The following DCBLD1 variants were observed in gnomAD, a reference collection of about 807,000 sequenced individuals.
DCBLD1 encodes the protein discoidin, CUB and LCCL domain-containing protein 1.
A neutral mutation model predicts 71.5 loss-of-function variants in DCBLD1; 57 were observed. The observed-to-expected ratio is 0.80, with a 90% confidence interval of 0.64 to 0.99. The LOEUF is 0.99. DCBLD1 is among the 50% of genes least tolerant of loss of function. The pLI, the probability that DCBLD1 is intolerant of heterozygous loss-of-function variation, is 0.00. For synonymous variants in DCBLD1, 380 were observed against 363.8 expected (o/e 1.04, Z -0.51); for missense variants, 891 against 923.5 (o/e 0.96, Z 0.46).
chr6:117,520,430 G>C (rs1460086205), intron 3 of DCBLD1, among the ~76,000 whole-genome samples: 1 of 152,108 alleles, frequency 6.6e-6, no homozygotes, highest in African/African-American at 2.4e-5. Flanking sequence ...ACACTTTTGT[G>C]TTCCCCTCCT....
chr6:117,521,405 A>T, intron 3 of DCBLD1, 120 bp from the exon 4 acceptor site: 1 of 782,982 alleles, frequency 1.3e-6, no homozygotes, highest in Non-Finnish European at 1.9e-6. Context: ...GAAAATTCTG[A>T]TAACTACATA....
rs149732152 is a variant in DCBLD1, at chr6:117,530,843, A to G, written c.586-1417A>G. 4.2e-3 allele frequency among the ~76,000 whole-genome samples: 633 copies of G among 152,332 alleles called. 5 individuals are homozygous for G. Among genetic ancestry groups the G allele is most frequent in the African/African-American group, 0.015 (619 of 41,566 alleles). ...AAAATTCAGGAAAGATGAAAAAGCA[A>G]CCTGCATTCTTATTAAAGAGTACGA... On this transcript the variant is annotated intron_variant, in intron 5 of 14. Coordinates refer to ENST00000338728, the MANE Select transcript of DCBLD1 (RefSeq NM_001366458.2).
chr6:117,522,634 G>T (rs1295977984), intron 4 of DCBLD1, among the ~76,000 whole-genome samples: 1 of 152,044 alleles, frequency 6.6e-6, no homozygotes, highest in Non-Finnish European at 1.5e-5. Context: ...AGAAATGGGT[G>T]TCTTTCTATA....
At chr6:117,510,088 A>G (rs1777966354) in intron 2 of DCBLD1, among the ~76,000 whole-genome samples, 1 of 152,016 alleles carries the variant, frequency 6.6e-6, no homozygotes, top group Non-Finnish European at 1.5e-5. Flanking sequence ...TTCTTTCCTT[A>G]GTTCAAAAAT....
chr6:117,525,483 C>A, intron 5 of DCBLD1, 49 bp downstream of exon 5: 1 of 1,318,142 alleles, frequency 7.6e-7, no homozygotes, highest in Non-Finnish European at 1.0e-6. Context: ...GGAGTAAGTG[C>A]TTTACTCTGC....
At chr6:117,497,801 T>TA in intron 1 of DCBLD1, among the ~76,000 whole-genome samples, 1 of 152,364 alleles carries the variant, frequency 6.6e-6, no homozygotes, top group South Asian at 2.1e-4. Context: ...CCTTTAGTGT[T>TA]ACAAAGAATG....
At position 117,549,644 on chromosome 6, in the gene DCBLD1, A is replaced by G. The variant is rs1347735024; in HGVS notation, c.*1205A>G. On this transcript the variant is annotated 3_prime_UTR_variant, in exon 15 of 15. Transcript: ENST00000338728. ...TTATAACCCTATTTGTGTGGTTATT[A>G]CATCCTGTGAAATGTATATATGTTA... The G allele has an allele frequency of 1.4e-5, 14 of 985,274 alleles. No individual in the cohort carries two copies. Among genetic ancestry groups the G allele is most frequent in the Non-Finnish European group, 1.7e-5 (14 of 829,936 alleles). 61.0% of individuals were successfully genotyped at this position (985,274 alleles called of 1,614,324 possible).
chr6:117,549,807 A>C, downstream of DCBLD1: 1 of 985,326 alleles, frequency 1.0e-6, no homozygotes, highest in Non-Finnish European at 1.2e-6. Flanking sequence ...ACTGCCCCTG[A>C]CTCTCACTAG....
intron 1 of DCBLD1, among the ~76,000 whole-genome samples, chr6:117,483,334 G>T (rs1375995459): frequency 6.6e-6 from 1 of 152,206 alleles, no homozygotes; most frequent in Non-Finnish European, 1.5e-5. Flanking sequence ...CCGGCGCTGG[G>T]CCCTGCCCTC....
intron 5 of DCBLD1, among the ~76,000 whole-genome samples, chr6:117,526,278 T>A (rs1341508066): frequency 6.6e-6 from 1 of 152,332 alleles, no homozygotes; most frequent in Non-Finnish European, 1.5e-5. Flanking sequence ...CCTTTTCTGT[T>A]TTTTTATTTA....
chr6:117,525,082 T>G (rs2114503138), intron 4 of DCBLD1, among the ~76,000 whole-genome samples: 2 of 152,230 alleles, frequency 1.3e-5, no homozygotes, highest in Non-Finnish European at 2.9e-5. Context: ...TGAAAAATAT[T>G]TATTGGAAGT....
chr6:117,535,531 G>C (rs1003046609), intron 6 of DCBLD1, among the ~76,000 whole-genome samples: 2 of 152,122 alleles, frequency 1.3e-5, no homozygotes, highest in Non-Finnish European at 2.9e-5. Flanking sequence ...TCGTTCAATG[G>C]AATGAAATGG....
rs183130138 is a variant in DCBLD1, at chr6:117,539,425, C to T, written c.1101+46C>T. 172 of 1,541,786 alleles carry T rather than the reference C, an allele frequency of 1.1e-4. No homozygotes were observed. The African/African-American group carries it at 2.2e-3, about 20-fold the overall frequency. On this transcript the variant is annotated intron_variant, in intron 9 of 14. Transcript: ENST00000338728. ...CAAGAGAACTGAGTAGGAGAACAGG[C>T]CTCTATATATTTTCATCAATGTGTT...
chr6:117,498,217 T>C (rs537138495), intron 1 of DCBLD1, among the ~76,000 whole-genome samples: 6 of 152,350 alleles, frequency 3.9e-5, no homozygotes, highest in African/African-American at 1.4e-4. Flanking sequence ...AGTTTTGTTC[T>C]TGTAAATTGT....
intron 2 of DCBLD1, among the ~76,000 whole-genome samples, chr6:117,517,014 C>G (rs1263304743): frequency 1.3e-5 from 2 of 152,204 alleles, no homozygotes; most frequent in Non-Finnish European, 2.9e-5. Flanking sequence ...ATTTCAAAAT[C>G]AATCATGCCT....
intron 2 of DCBLD1, among the ~76,000 whole-genome samples, chr6:117,515,359 G>T (rs1156322514): frequency 6.6e-6 from 1 of 152,090 alleles, no homozygotes; most frequent in Non-Finnish European, 1.5e-5. Context: ...GAATGCTATA[G>T]AAATTTAAGG....
Position 117,508,224 on chromosome 6 carries a change from A to G in DCBLD1, c.325+4245A>G, listed in dbSNP as rs73512237. On this transcript the variant is annotated intron_variant, in intron 2 of 14. Coordinates refer to ENST00000338728, the MANE Select transcript of DCBLD1 (RefSeq NM_001366458.2). ...GATTGAACACACTTTGAAACCTGGA[A>G]TTTGGAGATTCAGACAAGTGGTTTA... The G allele has an allele frequency of 6.8e-4, 104 of 152,326 alleles. 1 individual carries two copies. The highest frequency in any genetic ancestry group is 2.4e-3 in the African/African-American group (98 of 41,576). 9.4% of individuals were successfully genotyped at this position (152,326 alleles called of 1,614,324 possible).
At chr6:117,563,056 CAAT>C (rs1779617956) in intron 14 of DCBLD1, 5 of 538,442 alleles carry the variant, frequency 9.3e-6, no homozygotes, top group Non-Finnish European at 1.6e-5. Flanking sequence ...GCTTTACATG[CAAT>C]AGCTAATTAT....
rs760859500 is a variant in DCBLD1 at position 117,519,881 on chromosome 6, C to T, written c.391C>T (p.Arg131Cys). Residue 131 changes from arginine to cysteine, a missense_variant, in exon 3 of 15, where the codon CGC becomes TGC. By Grantham distance (180) the Arg-to-Cys change is radical. Coordinates refer to ENST00000338728, the MANE Select transcript of DCBLD1 (RefSeq NM_001366458.2). ...GTTGAACACAAGTGAAGTAACCGTC[C>T]GCTTTGAGAGTGGATCCCACATTTC... ...LLLNTSEVTV[R>C]FESGSHISGR... 2.0e-5 allele frequency: 33 copies of T among 1,613,960 alleles called. No individual in the cohort carries two copies. The highest frequency in any genetic ancestry group is 2.5e-5 in the Non-Finnish European group (29 of 1,180,002).
Sources: gnomAD v4.1 joint callset for allele counts (sites outside exome capture counted in the v4.1 genomes callset) on GRCh38, gnomAD v4.1.1 for gene constraint, MANE v1.5 for transcripts, NCBI Gene and HGNC (gene_info 2026-07-23, HGNC 2026-07-21) for gene names.